Variants in JAZF1 observed in about 807,000 individuals in gnomAD.
JAZF1 encodes juxtaposed with another zinc finger protein 1.
A neutral mutation model predicts 26.4 loss-of-function variants in JAZF1; 8 were observed. That is an observed-to-expected ratio of 0.30 (90% CI 0.18 to 0.55). The LOEUF is 0.55. Among genes scored for constraint, JAZF1 ranks in the 20% least tolerant of loss-of-function variants. The probability of loss-of-function intolerance (pLI) is 0.94; values close to 1 mark genes in which losing one functional copy is unlikely to be tolerated. For synonymous variants in JAZF1, 126 were observed against 122.3 expected (o/e 1.03, Z -0.20); for missense variants, 199 against 322.0 (o/e 0.62, Z 2.92).
intron 1 of JAZF1, among the ~76,000 whole-genome samples, chr7:28,126,457 G>C (rs1308588422): frequency 6.6e-6 from 1 of 151,646 alleles, no homozygotes; most frequent in Non-Finnish European, 1.5e-5. Flanking sequence ...CTTTGGATAA[G>C]GTCTTTTGGA....
chr7:27,902,618 A>C (rs979222079), intron 2 of JAZF1, among the ~76,000 whole-genome samples: 2 of 152,196 alleles, frequency 1.3e-5, no homozygotes, highest in African/African-American at 4.8e-5. Context: ...GACAGGTCCG[A>C]CCAAGGGTTG....
At chr7:28,154,201 G>C (rs1783148030) in intron 1 of JAZF1, among the ~76,000 whole-genome samples, 2 of 152,200 alleles carry the variant, frequency 1.3e-5, no homozygotes, top group Admixed American at 6.5e-5. Flanking sequence ...GCAAAGCGCA[G>C]ATGAGCTTTT....
chr7:28,146,824 G>GT (rs1244936581), intron 1 of JAZF1, among the ~76,000 whole-genome samples: 4 of 148,274 alleles, frequency 2.7e-5, no homozygotes, highest in East Asian at 2.0e-4. Flanking sequence ...TGGAATTCTG[G>GT]TTTTTTGCTT....
At chr7:28,161,234 T>G (rs985718094) in intron 1 of JAZF1, among the ~76,000 whole-genome samples, 10 of 140,442 alleles carry the variant, frequency 7.1e-5, no homozygotes, top group Non-Finnish European at 1.2e-4. Context: ...TTTACTTTTT[T>G]TAACTTGAAA....
At position 28,004,039 on chromosome 7, in the gene JAZF1, C is replaced by T. The variant is rs114809378; in HGVS notation, c.116-12058G>A. 3.1e-3 allele frequency among the ~76,000 whole-genome samples: 467 copies of T among 152,238 alleles called. 1 individual carries two copies. The highest frequency in any genetic ancestry group is 0.01 in the African/African-American group (436 of 41,538). On this transcript the variant is annotated intron_variant, in intron 1 of 4. Coordinates refer to ENST00000283928, the MANE Select transcript of JAZF1 (RefSeq NM_175061.4). ...TGCCAACACACATACAAAAAGGTCT[C>T]AGCTCTCAAGCAGACTGGACTATAG...
At chr7:27,969,774 G>C (rs1235682980) in intron 2 of JAZF1, among the ~76,000 whole-genome samples, 1 of 147,972 alleles carries the variant, frequency 6.8e-6, no homozygotes. Flanking sequence ...CAGGTTTTTA[G>C]AGGCAATGTG....
At chr7:27,875,775 C>T (rs1266910734) in intron 3 of JAZF1, among the ~76,000 whole-genome samples, 2 of 152,336 alleles carry the variant, frequency 1.3e-5, no homozygotes, top group African/African-American at 4.8e-5. Flanking sequence ...TATCTCTGTA[C>T]ATTCATTAGG....
intron 1 of JAZF1, among the ~76,000 whole-genome samples, chr7:28,152,754 G>A (rs1384694908): frequency 6.6e-6 from 1 of 152,180 alleles, no homozygotes; most frequent in Non-Finnish European, 1.5e-5. Flanking sequence ...GTTATGCAGA[G>A]GCGAAATTCA....
chr7:27,982,280 A>G (rs902097544), intron 2 of JAZF1, among the ~76,000 whole-genome samples: 7 of 152,202 alleles, frequency 4.6e-5, no homozygotes, highest in Non-Finnish European at 1.0e-4. Context: ...CAGCCTTGGC[A>G]ACACAGCACA....
chr7:27,989,967 A>G (rs1198977204), intron 2 of JAZF1, among the ~76,000 whole-genome samples: 2 of 152,236 alleles, frequency 1.3e-5, no homozygotes, highest in Admixed American at 6.5e-5. Flanking sequence ...TCATGCTGCT[A>G]TAAAGACACA....
intron 1 of JAZF1, among the ~76,000 whole-genome samples, chr7:28,013,971 T>C (rs540158883): frequency 1.3e-5 from 2 of 151,338 alleles, no homozygotes; most frequent in Non-Finnish European, 2.9e-5. Context: ...CAAGAAAAAA[T>C]TTTCCAAAAG....
At chr7:28,017,569 A>G (rs536768370) in intron 1 of JAZF1, among the ~76,000 whole-genome samples, 1 of 152,332 alleles carries the variant, frequency 6.6e-6, no homozygotes, top group Non-Finnish European at 1.5e-5. Flanking sequence ...AAGGGAAGTC[A>G]GGAGATGAAT....
intron 1 of JAZF1, among the ~76,000 whole-genome samples, chr7:28,128,359 T>C (rs540073113): frequency 2.0e-5 from 3 of 152,174 alleles, no homozygotes; most frequent in East Asian, 1.9e-4. Context: ...CTGTCTCTAC[T>C]AAAAATACAA....
At chr7:28,086,514 G>A (rs559289688) in intron 1 of JAZF1, among the ~76,000 whole-genome samples, 4 of 152,310 alleles carry the variant, frequency 2.6e-5, no homozygotes, top group Admixed American at 2.6e-4. Context: ...TTCACTGCCT[G>A]TCACAGTGGT....
At position 28,018,098 on chromosome 7, in the gene JAZF1, G is replaced by A. The variant is rs558748149; in HGVS notation, c.116-26117C>T. ...GAGATGAAAAGGAGAAAAGCAACAC[G>A]GAGGATAGGAAAAGCCTTTCCATGG... On this transcript the variant is annotated intron_variant, in intron 1 of 4. Coordinates refer to ENST00000283928, the MANE Select transcript of JAZF1 (RefSeq NM_175061.4). Among the ~76,000 whole-genome samples, 8 of 152,298 alleles carry A rather than the reference G, an allele frequency of 5.3e-5. No homozygotes were observed. In the South Asian group the frequency reaches 1.5e-3, roughly 28 times the overall value.
intron 1 of JAZF1, among the ~76,000 whole-genome samples, chr7:28,063,339 T>C (rs1273434313): frequency 6.6e-6 from 1 of 152,224 alleles, no homozygotes; most frequent in African/African-American, 2.4e-5. Flanking sequence ...TTTCCTTTAG[T>C]ACCCAGTATT....
At chr7:27,995,023 A>G (rs978249109) in intron 1 of JAZF1, among the ~76,000 whole-genome samples, 8 of 152,210 alleles carry the variant, frequency 5.3e-5, no homozygotes, top group Non-Finnish European at 7.3e-5. Flanking sequence ...ATATGAGGGC[A>G]GAAAGGATAC....
At chr7:27,895,768 C>T (rs1784053047) in intron 2 of JAZF1, among the ~76,000 whole-genome samples, 1 of 152,220 alleles carries the variant, frequency 6.6e-6, no homozygotes, top group Non-Finnish European at 1.5e-5. Flanking sequence ...GCCCACACAT[C>T]CTCAAAGTTC....
chr7:28,053,282 C>T (rs906889472), intron 1 of JAZF1, among the ~76,000 whole-genome samples: 1 of 152,152 alleles, frequency 6.6e-6, no homozygotes, highest in Non-Finnish European at 1.5e-5. Context: ...TAAATAATTT[C>T]GGCGTGCAAA....
Sources: gnomAD v4.1 joint callset for allele counts (sites outside exome capture counted in the v4.1 genomes callset) on GRCh38, gnomAD v4.1.1 for gene constraint, MANE v1.5 for transcripts, NCBI Gene and HGNC (gene_info 2026-07-23, HGNC 2026-07-21) for gene names.